The following SRPK1 variants were observed in gnomAD, a reference collection of about 807,000 sequenced individuals.
SRPK1 encodes the protein SFRS protein kinase 1.
A neutral mutation model predicts 89.5 loss-of-function variants in SRPK1; 52 were observed. That is an observed-to-expected ratio of 0.58 (90% CI 0.46 to 0.73). The LOEUF (loss-of-function observed/expected upper bound fraction) is 0.73, where lower values mean the gene tolerates loss of function less well. Ranked by LOEUF, SRPK1 falls within the 30% of genes least tolerant of loss-of-function variation. The pLI, the probability that SRPK1 is intolerant of heterozygous loss-of-function variation, is 0.00. For missense variants in SRPK1, 603 were observed against 780.6 expected, an observed-to-expected ratio of 0.77 and a Z score of 2.71; for synonymous variants, 255 against 270.2, an observed-to-expected ratio of 0.94 and a Z score of 0.55.
At chr6:35,851,700 G>C (rs1344047824) in intron 13 of SRPK1, among the ~76,000 whole-genome samples, 1 of 152,120 alleles carries the variant, frequency 6.6e-6, no homozygotes, top group Non-Finnish European at 1.5e-5. Flanking sequence ...TATCCAAATG[G>C]AGTCGTCAAG....
chr6:35,888,852 C>G lies in SRPK1; in HGVS notation c.265G>C (p.Gly89Arg). 1 of 1,613,024 alleles carries G rather than the reference C, an allele frequency of 6.2e-7. No homozygotes were observed. Among genetic ancestry groups the G allele is most frequent in the South Asian group, 1.1e-5 (1 of 91,044 alleles). The change falls in exon 4 of 16, where the codon GGA becomes CGA. Residue 89 changes from glycine (G) to arginine (R), a missense_variant. Physicochemically the swap from Gly to Arg is moderately radical, Grantham distance 125. Transcript: ENST00000373825. ...GATAACCATACTGTTGAAAAGTGTC[C>G]CCAGCCTAACTTTCGGATCACATGG... ...RYHVIRKLGW[G>R]HFSTVWLSWD...
At chr6:35,915,950 C>T (rs373191585) in intron 2 of SRPK1, among the ~76,000 whole-genome samples, 13 of 115,256 alleles carry the variant, frequency 1.1e-4, no homozygotes, top group Non-Finnish European at 1.7e-4. Flanking sequence ...CCAGCCTGGG[C>T]GACAGAACGA....
chr6:35,871,179 T>C (rs1396904512), intron 8 of SRPK1, among the ~76,000 whole-genome samples: 2 of 152,060 alleles, frequency 1.3e-5, no homozygotes, highest in African/African-American at 4.8e-5. Flanking sequence ...AAGGGATAAA[T>C]AAAATTCTTC....
chr6:35,845,187 T>C (rs1018862250), intron 13 of SRPK1, among the ~76,000 whole-genome samples: 10 of 152,118 alleles, frequency 6.6e-5, no homozygotes, highest in African/African-American at 2.4e-4. Flanking sequence ...GAAACGATAT[T>C]GTATATAATA....
intron 2 of SRPK1, among the ~76,000 whole-genome samples, chr6:35,893,997 C>A (rs979066399): frequency 6.6e-6 from 1 of 151,546 alleles, no homozygotes; most frequent in Non-Finnish European, 1.5e-5. Context: ...GGCGACAGAG[C>A]GAGACTCTGT....
intron 2 of SRPK1, among the ~76,000 whole-genome samples, chr6:35,899,201 T>C (rs1770690004): frequency 6.6e-6 from 1 of 152,128 alleles, no homozygotes. Context: ...TGAAGCACAA[T>C]TAGGCAACCA....
At chr6:35,913,969 C>CTTTTTT (rs545555860) in intron 2 of SRPK1, among the ~76,000 whole-genome samples, 1,328 of 92,886 alleles carry the variant, frequency 0.014, 77 homozygotes, top group Non-Finnish European at 0.018. Context: ...GATACTTTCT[C>CTTTTTT]TTTTTTTTTT....
Position 35,841,830 on chromosome 6 carries a change from CAAA to C in SRPK1, c.1690+702_1690+704del, listed in dbSNP as rs749935901. On this transcript the variant is annotated intron_variant, in intron 14 of 15. Coordinates refer to ENST00000373825, the MANE Select transcript of SRPK1 (RefSeq NM_003137.5). ...CTGGCGACAGAGTGAGACTCCGTCTCAAAAAAAAAAAAAAAAAAAAAAAAAATC... is the reference window on the plus strand; with the variant it reads ...CTGGCGACAGAGTGAGACTCCGTCTCAAAAAAAAAAAAAAAAAAAAAAATC... Among the ~76,000 whole-genome samples the C allele has an allele frequency of 2.8e-3, 124 of 44,738 alleles. 1 individual carries two copies. The highest frequency in any genetic ancestry group is 6.8e-3 in the African/African-American group (116 of 16,940). 29.3% of individuals were successfully genotyped at this position (44,738 alleles called of 152,430 possible). A position where few individuals can be genotyped will look rare whatever the true frequency, so the allele number is the denominator to read the frequency against.
chr6:35,912,250 C>T (rs1272844518), intron 2 of SRPK1, among the ~76,000 whole-genome samples: 1 of 152,114 alleles, frequency 6.6e-6, no homozygotes, highest in Non-Finnish European at 1.5e-5. Flanking sequence ...ACTTGGGAGA[C>T]TGATGCAGGA....
At chr6:35,886,056 C>T (rs1394974460) in intron 6 of SRPK1, among the ~76,000 whole-genome samples, 33 of 150,256 alleles carry the variant, frequency 2.2e-4, no homozygotes, top group Admixed American at 1.9e-3. Context: ...TTCTTTCTCT[C>T]TTTTTCTCTT....
At chr6:35,887,849 C>A (rs1163714748) in intron 5 of SRPK1, 175 bp downstream of exon 5, 2 of 422,036 alleles carry the variant, frequency 4.7e-6, no homozygotes, top group Non-Finnish European at 4.1e-6. Flanking sequence ...CACCAGTTCC[C>A]TACTACATGC....
chr6:35,913,199 T>C (rs1771010565), intron 2 of SRPK1, among the ~76,000 whole-genome samples: 1 of 152,182 alleles, frequency 6.6e-6, no homozygotes, highest in African/African-American at 2.4e-5. Context: ...TGCACTGTAG[T>C]AGAAACACTA....
intron 12 of SRPK1, among the ~76,000 whole-genome samples, chr6:35,867,108 G>A (rs955749358): frequency 2.0e-5 from 3 of 152,018 alleles, no homozygotes; most frequent in African/African-American, 7.2e-5. Context: ...TCACCACAAT[G>A]CAATATATCA....
At chr6:35,854,113 G>T (rs542654826) in intron 13 of SRPK1, among the ~76,000 whole-genome samples, 2 of 152,146 alleles carry the variant, frequency 1.3e-5, no homozygotes, top group Admixed American at 1.3e-4. Context: ...ACCATGGCCA[G>T]CTAATTTTTG....
chr6:35,882,269 A>G (rs922196978), intron 6 of SRPK1, among the ~76,000 whole-genome samples: 3 of 147,460 alleles, frequency 2.0e-5, no homozygotes, highest in South Asian at 2.1e-4. Context: ...ACTGGTCACA[A>G]TTTTTTTTTT....
intron 2 of SRPK1, chr6:35,920,074 G>T (rs995135823): frequency 2.8e-5 from 13 of 461,620 alleles, no homozygotes; most frequent in African/African-American, 2.4e-4. Context: ...CCGTGAAGAC[G>T]TCGGAGGCAA....
intron 2 of SRPK1, among the ~76,000 whole-genome samples, chr6:35,902,011 C>A (rs763934619): frequency 6.6e-6 from 1 of 151,924 alleles, no homozygotes. Context: ...TGACTATACT[C>A]CAAACTCTAC....
chr6:35,866,830 A>G (rs571217114), intron 12 of SRPK1, among the ~76,000 whole-genome samples: 1 of 152,350 alleles, frequency 6.6e-6, no homozygotes, highest in East Asian at 1.9e-4. Flanking sequence ...AATACTATTC[A>G]GCCATAAAAA....
intron 6 of SRPK1, among the ~76,000 whole-genome samples, chr6:35,882,037 G>A (rs1157473643): frequency 9.6e-5 from 14 of 145,982 alleles, no homozygotes; most frequent in African/African-American, 3.5e-4. Flanking sequence ...CAAAGAGGAA[G>A]AAGAACAAGA....
Sources: gnomAD v4.1 joint callset for allele counts (sites outside exome capture counted in the v4.1 genomes callset) on GRCh38, gnomAD v4.1.1 for gene constraint, MANE v1.5 for transcripts, NCBI Gene and HGNC (gene_info 2026-07-23, HGNC 2026-07-21) for gene names.